TSHZ2: variants seen among roughly 807,000 people sequenced by gnomAD.
TSHZ2 encodes teashirt homolog 2.
A neutral mutation model predicts 74.4 loss-of-function variants in TSHZ2; 21 were observed. The ratio of observed to expected loss-of-function variants is 0.28; its 90% CI spans 0.20 to 0.41. The LOEUF (loss-of-function observed/expected upper bound fraction) is 0.41, where lower values mean the gene tolerates loss of function less well. TSHZ2 is among the 10% of genes least tolerant of loss of function. TSHZ2 has a pLI of 1.00. For missense variants in TSHZ2, 1,244 were observed against 1,293.5 expected (o/e 0.96, Z 0.59); for synonymous variants, 540 against 515.3 (o/e 1.05, Z -0.65).
intron 2 of TSHZ2, among the ~76,000 whole-genome samples, chr20:53,446,432 G>A (rs531856918): frequency 2.6e-5 from 4 of 151,354 alleles, no homozygotes; most frequent in South Asian, 2.1e-4. Flanking sequence ...AAAACTAGCC[G>A]GGTGTGGTGG....
At chr20:53,282,596 C>T (rs1270735937) in intron 2 of TSHZ2, among the ~76,000 whole-genome samples, 4 of 152,190 alleles carry the variant, frequency 2.6e-5, no homozygotes, top group Non-Finnish European at 5.9e-5. Flanking sequence ...TCATATTCAC[C>T]GAATGGACCT....
chr20:52,994,178 T>C (rs1982089042), intron 1 of TSHZ2, among the ~76,000 whole-genome samples: 1 of 152,228 alleles, frequency 6.6e-6, no homozygotes. Flanking sequence ...TATCAGGGCT[T>C]ATCAGGATAA....
chr20:53,229,311 G>C (rs1006855641), intron 1 of TSHZ2, among the ~76,000 whole-genome samples: 1 of 152,000 alleles, frequency 6.6e-6, no homozygotes, highest in African/African-American at 2.4e-5. Context: ...CCTTTGCCCT[G>C]GGTCACTTAG....
intron 1 of TSHZ2, among the ~76,000 whole-genome samples, chr20:52,985,660 C>T (rs1295692538): frequency 2.0e-5 from 3 of 152,152 alleles, no homozygotes; most frequent in African/African-American, 7.2e-5. Flanking sequence ...TCATTGCTTT[C>T]GTGTCCACAA....
At chr20:53,161,838 G>C (rs1018015054) in intron 1 of TSHZ2, among the ~76,000 whole-genome samples, 2 of 152,176 alleles carry the variant, frequency 1.3e-5, no homozygotes, top group African/African-American at 4.8e-5. Context: ...GATATTATTT[G>C]AGTTAGAGTA....
At chr20:53,308,666 C>A (rs1325968815) in intron 2 of TSHZ2, among the ~76,000 whole-genome samples, 1 of 152,150 alleles carries the variant, frequency 6.6e-6, no homozygotes, top group South Asian at 2.1e-4. Context: ...TTTATTGTGT[C>A]AGCATCCCCA....
At chr20:53,464,122 G>A (rs1985485815) in intron 2 of TSHZ2, among the ~76,000 whole-genome samples, 1 of 152,190 alleles carries the variant, frequency 6.6e-6, no homozygotes, top group Non-Finnish European at 1.5e-5. Flanking sequence ...AAGTTCACCT[G>A]TCTTCACCAA....
At chr20:53,460,392 G>A (rs1202520121) in intron 2 of TSHZ2, among the ~76,000 whole-genome samples, 4 of 152,164 alleles carry the variant, frequency 2.6e-5, no homozygotes, top group Non-Finnish European at 4.4e-5. Context: ...TTGGTTTTCA[G>A]CTCCATCAGC....
At chr20:53,280,890 C>T (rs987081977) in intron 2 of TSHZ2, among the ~76,000 whole-genome samples, 1 of 152,134 alleles carries the variant, frequency 6.6e-6, no homozygotes, top group Non-Finnish European at 1.5e-5. Context: ...GATAGGGTTT[C>T]CCTGTGTTAA....
intron 2 of TSHZ2, among the ~76,000 whole-genome samples, chr20:53,353,010 T>C (rs989473282): frequency 6.6e-6 from 1 of 152,168 alleles, no homozygotes; most frequent in Non-Finnish European, 1.5e-5. Context: ...TTTCCCAAGT[T>C]CCTTTTTTCT....
At chr20:53,408,582 C>T (rs759585080) in intron 2 of TSHZ2, among the ~76,000 whole-genome samples, 54 of 152,056 alleles carry the variant, frequency 3.6e-4, no homozygotes, top group Non-Finnish European at 6.5e-4. Flanking sequence ...GGAAATCCAT[C>T]GATTTCCAAA....
intron 2 of TSHZ2, among the ~76,000 whole-genome samples, chr20:53,274,850 C>T (rs905648935): frequency 1.3e-5 from 2 of 152,128 alleles, no homozygotes; most frequent in African/African-American, 2.4e-5. Flanking sequence ...GAGATGGGCA[C>T]GTTGAATACT....
intron 1 of TSHZ2, among the ~76,000 whole-genome samples, chr20:53,247,451 A>G (rs1455846093): frequency 1.3e-5 from 2 of 152,142 alleles, no homozygotes; most frequent in East Asian, 3.9e-4. Flanking sequence ...AGGCCTGGCT[A>G]CCCTTGAGAA....
intron 1 of TSHZ2, among the ~76,000 whole-genome samples, chr20:53,251,838 C>T (rs1381180621): frequency 6.6e-6 from 1 of 152,136 alleles, no homozygotes; most frequent in African/African-American, 2.4e-5. Context: ...ACTGCTTAAC[C>T]TTTAGCCTTT....
chr20:53,157,164 G>A (rs1216850434), intron 1 of TSHZ2, among the ~76,000 whole-genome samples: 1 of 152,128 alleles, frequency 6.6e-6, no homozygotes, highest in Middle Eastern at 3.2e-3. Flanking sequence ...CCCTCTATGA[G>A]CAAAGAAGCT....
In TSHZ2 at chr20:53,191,928, G is replaced by C. The variant is rs1438083451; in HGVS notation, c.41-61571G>C. On this transcript the variant is annotated intron_variant, in intron 1 of 2. Coordinates refer to ENST00000371497, the MANE Select transcript of TSHZ2 (RefSeq NM_173485.6). The stretch of plus-strand genomic sequence containing the variant: ...TCACTTATTCTTTGTCTTTTTTGGA[G>C]GAGAGTGCTGAGATTGTCTCTTTTT... Among the ~76,000 whole-genome samples the C allele has an allele frequency of 2.2e-4, 33 of 152,234 alleles. 2 individuals are homozygous for C. Among genetic ancestry groups the C allele is most frequent in the Admixed American group, 2.2e-3 (33 of 15,300 alleles).
At chr20:53,018,001 C>T (rs1440484577) in intron 1 of TSHZ2, among the ~76,000 whole-genome samples, 3 of 152,072 alleles carry the variant, frequency 2.0e-5, no homozygotes, top group Non-Finnish European at 4.4e-5. Flanking sequence ...GTGAAAGAGA[C>T]GAACATCGCA....
intron 1 of TSHZ2, among the ~76,000 whole-genome samples, chr20:53,112,670 A>C (rs1986567864): frequency 6.6e-6 from 1 of 151,970 alleles, no homozygotes; most frequent in Non-Finnish European, 1.5e-5. Context: ...GCACCACCAC[A>C]CCTTGCTAAT....
chr20:53,306,085 G>A (rs1293970947), intron 2 of TSHZ2, among the ~76,000 whole-genome samples: 1 of 152,102 alleles, frequency 6.6e-6, no homozygotes, highest in African/African-American at 2.4e-5. Flanking sequence ...ATCTGCTCTG[G>A]TGGTTCTGCT....
Sources: gnomAD v4.1 joint callset for allele counts (sites outside exome capture counted in the v4.1 genomes callset) on GRCh38, gnomAD v4.1.1 for gene constraint, MANE v1.5 for transcripts, NCBI Gene and HGNC (gene_info 2026-07-23, HGNC 2026-07-21) for gene names.